SLC6A16: variants seen among roughly 807,000 people sequenced by gnomAD.
The protein encoded by SLC6A16 is solute carrier family 6 member 16.
A neutral mutation model predicts 65.4 loss-of-function variants in SLC6A16; 54 were observed. That is an observed-to-expected ratio of 0.83 (90% confidence interval 0.66 to 1.04). SLC6A16 has a LOEUF of 1.04. Among genes scored for constraint, SLC6A16 ranks in the 50% least tolerant of loss-of-function variants. SLC6A16 has a pLI of 0.00. For missense variants in SLC6A16, 816 were observed against 914.0 expected, an observed-to-expected ratio of 0.89 and a Z score of 1.38; for synonymous variants, 330 against 346.5, an observed-to-expected ratio of 0.95 and a Z score of 0.53.
the SLC6A16 span, among the ~76,000 whole-genome samples, chr19:49,333,239 G>A: frequency 1.3e-5 from 2 of 150,334 alleles, no homozygotes; most frequent in African/African-American, 2.5e-5. Context: ...TGGGGAGGCC[G>A]AGGTGAGCGG....
chr19:49,320,428 C>CAAAAA (rs756447935), intron 1 of SLC6A16, among the ~76,000 whole-genome samples: 2 of 142,988 alleles, frequency 1.4e-5, no homozygotes. Flanking sequence ...AACAAACAAA[C>CAAAAA]AAAAAAAAAC....
chr19:49,327,576 T>C (rs758807280), upstream of SLC6A16, among the ~76,000 whole-genome samples: 6 of 152,232 alleles, frequency 3.9e-5, no homozygotes, highest in Admixed American at 2.6e-4. Context: ...TAAATATTTA[T>C]TGAATGATGT....
chr19:49,322,193 T>A (rs1404635371), intron 1 of SLC6A16, among the ~76,000 whole-genome samples: 5 of 152,068 alleles, frequency 3.3e-5, no homozygotes, highest in Admixed American at 2.6e-4. Flanking sequence ...ACCAAAAAAA[T>A]TTTTGAGCTA....
At chr19:49,298,588 C>T (rs1311861504) in intron 7 of SLC6A16, among the ~76,000 whole-genome samples, 1 of 152,152 alleles carries the variant, frequency 6.6e-6, no homozygotes, top group Non-Finnish European at 1.5e-5. Context: ...AAAGGGAATG[C>T]TTATACACTG....
intron 1 of SLC6A16, among the ~76,000 whole-genome samples, chr19:49,319,998 G>T (rs1475745669): frequency 2.0e-5 from 3 of 151,946 alleles, no homozygotes; most frequent in Non-Finnish European, 4.4e-5. Context: ...AAACTACAAG[G>T]GGAGTTAGAA....
intron 2 of SLC6A16, 26 bp from the exon 3 acceptor site, chr19:49,310,536 C>G: frequency 6.2e-7 from 1 of 1,613,730 alleles, no homozygotes; most frequent in Non-Finnish European, 8.5e-7. Context: ...AGAAGGGACT[C>G]TGAGAACCAT....
intron 1 of SLC6A16, among the ~76,000 whole-genome samples, chr19:49,321,545 G>T (rs1328775059): frequency 6.6e-6 from 1 of 152,050 alleles, no homozygotes; most frequent in Non-Finnish European, 1.5e-5. Context: ...AGACCAGCCT[G>T]GCTAACATGG....
Position 49,310,069 on chromosome 19 carries a change from C to T in SLC6A16, c.671G>A (p.Cys224Tyr), listed in dbSNP as rs756298917. The T allele has an allele frequency of 6.2e-7, 1 of 1,614,106 alleles. No homozygotes were observed. The highest frequency in any genetic ancestry group is 1.1e-5 in the South Asian group (1 of 91,086). The change falls in exon 4 of 12, where the codon TGT becomes TAT. Residue 224 changes from cysteine (C) to tyrosine (Y), a missense_variant. By Grantham distance (194) the Cys-to-Tyr change is radical (BLOSUM62 -2). Transcript: ENST00000335875. ...SFQFPVPWEK[C>Y]PLTMNSSGFD... ...GCCACTAGAGTTCATCGTTAAGGGA[C>T]ATTTCTCCCATGGAACGGGAAACTG...
chr19:49,294,989 G>A (rs1970158388), intron 7 of SLC6A16, among the ~76,000 whole-genome samples: 2 of 152,000 alleles, frequency 1.3e-5, no homozygotes, highest in Admixed American at 6.6e-5. Flanking sequence ...TTTTTGATGT[G>A]AGCCCTGCTG....
chr19:49,331,621 A>T, the SLC6A16 span: 1 of 371,566 alleles, frequency 2.7e-6, no homozygotes, highest in Non-Finnish European at 5.4e-6. Context: ...ACTTACATAA[A>T]GTCCAAAATG....
At chr19:49,336,721 C>T in the SLC6A16 span, 13 of 583,350 alleles carry the variant, frequency 2.2e-5, no homozygotes, top group Middle Eastern at 4.0e-4. Flanking sequence ...GATCCAGGGA[C>T]GGGAAACAGG....
At chr19:49,322,269 C>T (rs1412666892) in intron 1 of SLC6A16, among the ~76,000 whole-genome samples, 1 of 152,084 alleles carries the variant, frequency 6.6e-6, no homozygotes, top group African/African-American at 2.4e-5. Context: ...CATTTTTATA[C>T]ACTAACAATG....
rs1970104129 is a variant in SLC6A16, at chr19:49,292,889, C to T, written c.1778+334G>A. ...TGCCATCTGACCTCATCCTTTGATTCTTCCTATCGCCTGTATTTATTCTCA... is the reference window on the plus strand; with the variant it reads ...TGCCATCTGACCTCATCCTTTGATTTTTCCTATCGCCTGTATTTATTCTCA... On this transcript the variant is annotated intron_variant, in intron 10 of 11. Transcript: ENST00000335875. The surrounding 1 kb of genome is among the most constrained non-coding windows in gnomAD (Gnocchi z 4.3). 6.6e-6 allele frequency among the ~76,000 whole-genome samples: 1 copy of T among 152,194 alleles called. No homozygotes were observed. Among genetic ancestry groups the T allele is most frequent in the African/African-American group, 2.4e-5 (1 of 41,450 alleles).
intron 1 of SLC6A16, among the ~76,000 whole-genome samples, chr19:49,324,724 G>A (rs1029693117): frequency 1.3e-5 from 2 of 152,254 alleles, no homozygotes; most frequent in Non-Finnish European, 2.9e-5. Context: ...GCTAGACCCG[G>A]GTTTCTGCCA....
At chr19:49,338,012 G>T in the SLC6A16 span, 1 of 1,613,956 alleles carries the variant, frequency 6.2e-7, no homozygotes, top group Non-Finnish European at 8.5e-7. This position sits in a 1 kb window ranked among gnomAD's most constrained non-coding sequence, Gnocchi z 5.0. Context: ...GGAGAGCTGG[G>T]ACTATGTGCA....
At chr19:49,303,262 G>A (rs1175819601) in intron 7 of SLC6A16, among the ~76,000 whole-genome samples, 1 of 152,108 alleles carries the variant, frequency 6.6e-6, no homozygotes, top group Non-Finnish European at 1.5e-5. Flanking sequence ...TACAAGTATC[G>A]ACACATTTCT....
chr19:49,303,486 C>T (rs1970325656), intron 7 of SLC6A16, among the ~76,000 whole-genome samples: 1 of 151,952 alleles, frequency 6.6e-6, no homozygotes, highest in South Asian at 2.1e-4. Flanking sequence ...GAAACCCTGT[C>T]TCTACTAAGA....
chr19:49,329,574 G>A (rs1039389412), upstream of SLC6A16, among the ~76,000 whole-genome samples: 4 of 151,434 alleles, frequency 2.6e-5, no homozygotes, highest in African/African-American at 9.7e-5. Flanking sequence ...CTTGAGGCTA[G>A]GAGTTTGATA....
At chr19:49,294,796 G>T (rs990386093) in intron 7 of SLC6A16, among the ~76,000 whole-genome samples, 2 of 152,078 alleles carry the variant, frequency 1.3e-5, no homozygotes, top group Non-Finnish European at 2.9e-5. Context: ...TCTTCTTGGG[G>T]ACTCTGTGGT....
Sources: gnomAD v4.1 joint callset for allele counts (sites outside exome capture counted in the v4.1 genomes callset) on GRCh38, gnomAD v4.1.1 for gene constraint, Gnocchi (gnomAD v3.1) non-coding constraint, MANE v1.5 for transcripts, NCBI Gene and HGNC (gene_info 2026-07-23, HGNC 2026-07-21) for gene names.